Variants in EGF observed in about 807,000 individuals in gnomAD.
EGF encodes the protein pro-epidermal growth factor.
Under a neutral mutation model 143.8 loss-of-function variants are expected in EGF, and 95 were observed. That is an observed-to-expected ratio of 0.66 (90% CI 0.56 to 0.78). EGF has a LOEUF of 0.78. Among genes scored for constraint, EGF ranks in the 30% least tolerant of loss-of-function variants. The pLI is 0.00. For synonymous variants in EGF, 510 were observed against 510.5 expected (o/e 1.00, Z 0.01); for missense variants, 1,320 against 1,470.9 (o/e 0.90, Z 1.68).
intron 2 of EGF, 36 bp downstream of exon 2, chr4:109,941,181 T>C: frequency 6.3e-7 from 1 of 1,577,438 alleles, no homozygotes; most frequent in South Asian, 1.1e-5. Flanking sequence ...TGAGCTGTTT[T>C]TGTACAGGCT....
rs559675366 is a variant in EGF at position 109,927,762 on chromosome 4, C to T, written c.128-13184C>T. Among the ~76,000 whole-genome samples the T allele has an allele frequency of 2.7e-5, 4 of 146,514 alleles. No individual in the cohort carries two copies. The East Asian group carries it at 8.0e-4, about 29-fold the overall frequency. On this transcript the variant is annotated intron_variant, in intron 1 of 23. Transcript: ENST00000265171. The stretch of plus-strand genomic sequence containing the variant: ...AAAAAGACATGTCCAAAAGTAGATG[C>T]AAAACTCAGTAGACAGATCAGGATA...
chr4:109,963,252 T>C lies in EGF; in HGVS notation c.1392T>C (p.Phe464=). Residue 464 remains phenylalanine (F), a synonymous_variant, in exon 9 of 24, where the codon TTT becomes TTC. Transcript: ENST00000265171. ...CAGTATCCTGGGAATGTGATTGCTT[T>C]CCTGGGTATGACCTACAACTGGATG... The part of the protein sequence containing the change: ...LSPVSWECDC[F]PGYDLQLDEK... 6.2e-7 allele frequency: 1 copy of C among 1,614,060 alleles called. No individual in the cohort carries two copies. The highest frequency in any genetic ancestry group is 8.5e-7 in the Non-Finnish European group (1 of 1,179,960).
At chr4:109,917,476 T>C (rs570105707) in intron 1 of EGF, among the ~76,000 whole-genome samples, 3 of 152,158 alleles carry the variant, frequency 2.0e-5, no homozygotes, top group African/African-American at 4.8e-5. Context: ...GTTGGAGGTT[T>C]TTTAGCTTTT....
intron 1 of EGF, among the ~76,000 whole-genome samples, chr4:109,927,360 G>A (rs774305788): frequency 6.6e-6 from 1 of 152,126 alleles, no homozygotes; most frequent in Non-Finnish European, 1.5e-5. Context: ...AAGGTGTTAT[G>A]TAATCTCAAT....
At chr4:109,955,521 C>G (rs939031309) in intron 5 of EGF, among the ~76,000 whole-genome samples, 2 of 152,152 alleles carry the variant, frequency 1.3e-5, no homozygotes, top group Non-Finnish European at 2.9e-5. Flanking sequence ...CACAACTAGG[C>G]AGAGGAGAAT....
chr4:109,934,087 G>T (rs1169131114), intron 1 of EGF, among the ~76,000 whole-genome samples: 2 of 152,156 alleles, frequency 1.3e-5, no homozygotes, highest in Admixed American at 1.3e-4. Flanking sequence ...AACATCTGTT[G>T]TTTCCTGACT....
chr4:109,989,335 T>C (rs1750618378), intron 18 of EGF, among the ~76,000 whole-genome samples: 1 of 152,224 alleles, frequency 6.6e-6, no homozygotes, highest in Non-Finnish European at 1.5e-5. Flanking sequence ...CAGGTGTCAG[T>C]AGCATCGCAT....
chr4:109,956,927 C>T (rs1464394440), intron 5 of EGF, among the ~76,000 whole-genome samples: 1 of 152,088 alleles, frequency 6.6e-6, no homozygotes, highest in Non-Finnish European at 1.5e-5. Context: ...GTACATTAGG[C>T]CAGTGTTTCT....
At chr4:109,956,972 A>G (rs947165456) in intron 5 of EGF, among the ~76,000 whole-genome samples, 3 of 152,142 alleles carry the variant, frequency 2.0e-5, no homozygotes, top group African/African-American at 4.8e-5. Context: ...CTGACATCAT[A>G]ATCACTCCTG....
intron 1 of EGF, among the ~76,000 whole-genome samples, chr4:109,924,342 T>C (rs1410401138): frequency 1.3e-5 from 2 of 151,152 alleles, no homozygotes; most frequent in Non-Finnish European, 2.9e-5. Context: ...CCAAAAAAAA[T>C]TAATAGTTTT....
intron 16 of EGF, 146 bp downstream of exon 16, chr4:109,983,687 C>T: frequency 1.8e-6 from 2 of 1,105,738 alleles, no homozygotes; most frequent in Non-Finnish European, 2.6e-6. Context: ...AAGTCTGTCT[C>T]TTCTGAATGA....
intron 1 of EGF, 55 bp downstream of exon 1, chr4:109,913,517 C>A: frequency 6.3e-7 from 1 of 1,598,400 alleles, no homozygotes; most frequent in Non-Finnish European, 8.5e-7. Context: ...CCCCCACATC[C>A]CTGTTGGTTC....
chr4:110,013,498 A>T lies in EGF; in HGVS notation c.*2043A>T, dbSNP rs1305959881. On this transcript the variant is annotated 3_prime_UTR_variant, in exon 24 of 24. Transcript: ENST00000265171. ...CTTTGTGTTTTTTAATCACCAAGGC[A>T]CCCTGCAGAGATATCTTCTTCTTGC... Among the ~76,000 whole-genome samples, 1 of 152,106 alleles carries T rather than the reference A, an allele frequency of 6.6e-6. No homozygotes were observed. The highest frequency in any genetic ancestry group is 1.5e-5 in the Non-Finnish European group (1 of 68,024).
chr4:109,945,808 A>C (rs1369610711), intron 5 of EGF, among the ~76,000 whole-genome samples: 1 of 152,210 alleles, frequency 6.6e-6, no homozygotes, highest in Non-Finnish European at 1.5e-5. Context: ...TAAATGGCAG[A>C]TAAATGCTAG....
chr4:109,920,595 C>A (rs1304064452), intron 1 of EGF, among the ~76,000 whole-genome samples: 1 of 151,558 alleles, frequency 6.6e-6, no homozygotes, highest in Non-Finnish European at 1.5e-5. Context: ...TTCCAGGAAG[C>A]AGTTTAGTGC....
chr4:110,005,474 T>A (rs1377876424), intron 22 of EGF, among the ~76,000 whole-genome samples: 3 of 152,328 alleles, frequency 2.0e-5, no homozygotes, highest in Non-Finnish European at 4.4e-5. Flanking sequence ...AAATATAGGA[T>A]GCCTAGTTAA....
At chr4:109,926,454 A>G (rs1290189213) in intron 1 of EGF, among the ~76,000 whole-genome samples, 1 of 147,624 alleles carries the variant, frequency 6.8e-6, no homozygotes, top group Non-Finnish European at 1.5e-5. Context: ...TCTCGGGTTC[A>G]CGCCATTCTC....
intron 1 of EGF, among the ~76,000 whole-genome samples, chr4:109,931,468 G>C (rs1004102927): frequency 2.0e-5 from 3 of 152,200 alleles, no homozygotes; most frequent in African/African-American, 4.8e-5. Flanking sequence ...GACCAAGGCA[G>C]GGTGGAGTTG....
At chr4:109,991,499 C>T (rs1004317895) in intron 18 of EGF, among the ~76,000 whole-genome samples, 24 of 151,934 alleles carry the variant, frequency 1.6e-4, no homozygotes, top group Admixed American at 3.9e-4. Flanking sequence ...AGGCATGGCG[C>T]GGAGGAAACA....
Sources: allele counts gnomAD v4.1 joint callset (sites outside exome capture counted in the v4.1 genomes callset), GRCh38; gene constraint gnomAD v4.1.1; transcripts MANE v1.5; gene names NCBI Gene and HGNC (gene_info 2026-07-23, HGNC 2026-07-21).